CTNNA3: variants seen among roughly 807,000 people sequenced by gnomAD.
CTNNA3 encodes the protein catenin alpha 3, also known as catenin alpha-3.
Under a neutral mutation model 95.7 loss-of-function variants are expected in CTNNA3, and 76 were observed. The observed-to-expected ratio is 0.79, with a 90% CI of 0.66 to 0.96. The LOEUF (loss-of-function observed/expected upper bound fraction) is 0.96. Ranked by LOEUF, CTNNA3 falls within the 40% of genes least tolerant of loss-of-function variation. CTNNA3 has a pLI of 0.00. For missense variants in CTNNA3, 1,191 were observed against 1,089.8 expected, an observed-to-expected ratio of 1.09 and a Z score of -1.31; for synonymous variants, 431 against 374.4, an observed-to-expected ratio of 1.15 and a Z score of -1.74.
At chr10:66,290,043 G>A (rs1416539165) in intron 12 of CTNNA3, among the ~76,000 whole-genome samples, 1 of 152,078 alleles carries the variant, frequency 6.6e-6, no homozygotes, top group Non-Finnish European at 1.5e-5. Context: ...ATGGAAGAAT[G>A]AGAGGGTGGG....
chr10:66,716,140 A>G (rs1848442238), intron 9 of CTNNA3, among the ~76,000 whole-genome samples: 1 of 152,240 alleles, frequency 6.6e-6, no homozygotes, highest in African/African-American at 2.4e-5. Context: ...CCCTACATAT[A>G]GACAAATGTA....
At chr10:66,216,218 C>G (rs773072000) in intron 13 of CTNNA3, among the ~76,000 whole-genome samples, 2 of 152,236 alleles carry the variant, frequency 1.3e-5, no homozygotes, top group Non-Finnish European at 2.9e-5. Context: ...CCTTGGAAAT[C>G]TGTCAACTTC....
At chr10:66,421,669 C>T (rs2093194251) in intron 11 of CTNNA3, among the ~76,000 whole-genome samples, 1 of 151,014 alleles carries the variant, frequency 6.6e-6, no homozygotes, top group South Asian at 2.1e-4. Context: ...CCTGTCTCTA[C>T]TAAAAAAAAT....
Position 65,913,958 on chromosome 10 carries a change from A to G in CTNNA3, c.*6372T>C, listed in dbSNP as rs1213584809. On this transcript the variant is annotated 3_prime_UTR_variant, in exon 18 of 18. Transcript: ENST00000433211. ...CAAGATATCTACAGGCTTTTGAACT[A>G]TTGATACAACTATTCAAAGGGGGCT... 1 of 152,152 alleles carries G rather than the reference A, an allele frequency of 6.6e-6. No individual in the cohort carries two copies. Among genetic ancestry groups the G allele is most frequent in the Non-Finnish European group, 1.5e-5 (1 of 68,006 alleles). 9.4% of individuals were successfully genotyped at this position (152,152 alleles called of 1,614,324 possible).
intron 7 of CTNNA3, among the ~76,000 whole-genome samples, chr10:66,945,427 C>T (rs1357644988): frequency 1.3e-5 from 2 of 152,160 alleles, no homozygotes; most frequent in African/African-American, 2.4e-5. Flanking sequence ...CTTCTTTCAG[C>T]CTTTGTAGAA....
intron 11 of CTNNA3, among the ~76,000 whole-genome samples, chr10:66,517,980 T>C (rs1483837924): frequency 2.0e-5 from 3 of 152,136 alleles, no homozygotes; most frequent in African/African-American, 7.2e-5. Context: ...TAAATAATGT[T>C]AGCCATGAAA....
chr10:66,778,847 A>AT (rs1840415729), intron 7 of CTNNA3, among the ~76,000 whole-genome samples: 1 of 152,056 alleles, frequency 6.6e-6, no homozygotes, highest in Non-Finnish European at 1.5e-5. Flanking sequence ...ATGGTGGCGC[A>AT]TATCTGTAAT....
At chr10:67,417,012 C>A (rs927547959) in intron 5 of CTNNA3, among the ~76,000 whole-genome samples, 1 of 152,038 alleles carries the variant, frequency 6.6e-6, no homozygotes, top group Admixed American at 6.6e-5. Flanking sequence ...CATCACTGTG[C>A]TAGTCACAAT....
intron 15 of CTNNA3, among the ~76,000 whole-genome samples, chr10:66,018,390 A>C (rs2079136973): frequency 6.6e-6 from 1 of 152,124 alleles, no homozygotes; most frequent in Non-Finnish European, 1.5e-5. Flanking sequence ...CGTGACATAC[A>C]AACAATGTGA....
At chr10:67,264,342 A>C (rs1227470939) in intron 5 of CTNNA3, among the ~76,000 whole-genome samples, 1 of 152,062 alleles carries the variant, frequency 6.6e-6, no homozygotes, top group Non-Finnish European at 1.5e-5. Context: ...TTCACTATTA[A>C]ATTTTTTCAA....
chr10:66,215,701 T>C (rs1327806422), intron 13 of CTNNA3, among the ~76,000 whole-genome samples: 1 of 152,164 alleles, frequency 6.6e-6, no homozygotes, highest in Non-Finnish European at 1.5e-5. Context: ...CACAATGAAA[T>C]TATTAATAGC....
intron 7 of CTNNA3, among the ~76,000 whole-genome samples, chr10:66,776,848 G>A (rs1213007325): frequency 6.6e-6 from 1 of 152,066 alleles, no homozygotes; most frequent in African/African-American, 2.4e-5. Flanking sequence ...TTATGATACT[G>A]TTAGAATCCT....
intron 11 of CTNNA3, among the ~76,000 whole-genome samples, chr10:66,446,524 A>AAT (rs1263610266): frequency 6.8e-6 from 1 of 146,202 alleles, no homozygotes; most frequent in African/African-American, 2.8e-5. Flanking sequence ...TTTAACATTC[A>AAT]CAAATCAATA....
At chr10:67,242,531 G>A (rs1865754675) in intron 5 of CTNNA3, among the ~76,000 whole-genome samples, 1 of 152,098 alleles carries the variant, frequency 6.6e-6, no homozygotes. Context: ...GAGTGGTGAG[G>A]CCTTGGCACA....
At chr10:66,286,485 C>A (rs1589033226) in intron 12 of CTNNA3, among the ~76,000 whole-genome samples, 1 of 107,456 alleles carries the variant, frequency 9.3e-6, no homozygotes. Flanking sequence ...CACTTTCTAC[C>A]ATTCAGAAAA....
chr10:67,069,470 C>G (rs551604284), intron 7 of CTNNA3, among the ~76,000 whole-genome samples: 260 of 152,074 alleles, frequency 1.7e-3, no homozygotes, highest in African/African-American at 6.0e-3. Context: ...GTATACATAT[C>G]ATGATGGTGA....
chr10:67,732,814 CAA>C (rs1216765659), intron 1 of CTNNA3, among the ~76,000 whole-genome samples: 9 of 151,874 alleles, frequency 5.9e-5, no homozygotes, highest in Non-Finnish European at 1.0e-4. Context: ...GTAATATAAC[CAA>C]AGAAAATATT....
intron 13 of CTNNA3, among the ~76,000 whole-genome samples, chr10:66,220,951 G>A (rs553371496): frequency 6.6e-6 from 1 of 152,194 alleles, no homozygotes; most frequent in Non-Finnish European, 1.5e-5. Flanking sequence ...GGGATGTAAA[G>A]TTCTCACTTT....
intron 6 of CTNNA3, among the ~76,000 whole-genome samples, chr10:67,207,503 T>C (rs1470272071): frequency 1.3e-5 from 2 of 152,182 alleles, no homozygotes; most frequent in Non-Finnish European, 2.9e-5. Flanking sequence ...CCCCATGAAC[T>C]GTAGCTTAAG....
Sources: gnomAD v4.1 joint callset for allele counts (sites outside exome capture counted in the v4.1 genomes callset) on GRCh38, gnomAD v4.1.1 for gene constraint, MANE v1.5 for transcripts, NCBI Gene and HGNC (gene_info 2026-07-23, HGNC 2026-07-21) for gene names.